C6: variants seen among roughly 807,000 people sequenced by gnomAD.
C6 encodes complement C6, also known as complement component C6.
Under a neutral mutation model 112.9 loss-of-function variants are expected in C6, and 101 were observed. The ratio of observed to expected loss-of-function variants is 0.89; its 90% confidence interval spans 0.76 to 1.06. The LOEUF (loss-of-function observed/expected upper bound fraction) is 1.06. Ranked by LOEUF, C6 falls within the 50% of genes least tolerant of loss-of-function variation. The probability of loss-of-function intolerance (pLI) is 0.00; values close to 1 mark genes in which losing one functional copy is unlikely to be tolerated. For synonymous variants in C6, 431 were observed against 384.1 expected (o/e 1.12, Z -1.43); for missense variants, 1,202 against 1,104.6 (o/e 1.09, Z -1.25).
chr5:41,213,560 A>G (rs1227943617), upstream of C6: 5 of 985,214 alleles, frequency 5.1e-6, no homozygotes, highest in African/African-American at 8.7e-5. Context: ...TGTCAAAATA[A>G]ATGTTCTCTG....
chr5:41,257,336 C>A (rs1181553401), intron 1 of C6, among the ~76,000 whole-genome samples: 1 of 152,052 alleles, frequency 6.6e-6, no homozygotes, highest in Admixed American at 6.6e-5. Context: ...ATTCATGTTG[C>A]TGCCAAGGAC....
intron 15 of C6, among the ~76,000 whole-genome samples, chr5:41,150,273 T>A (rs894807717): frequency 2.6e-5 from 4 of 152,210 alleles, no homozygotes; most frequent in African/African-American, 9.6e-5. Context: ...AAAATGGAAC[T>A]GTTGAAATTT....
At chr5:41,207,419 A>C (rs983476853) in intron 1 of C6, among the ~76,000 whole-genome samples, 1 of 152,258 alleles carries the variant, frequency 6.6e-6, no homozygotes, top group Non-Finnish European at 1.5e-5. Context: ...CCCAATTAAA[A>C]GACATAGACT....
At chr5:41,215,860 T>C (rs1202026927), upstream of C6, among the ~76,000 whole-genome samples, 1 of 152,110 alleles carries the variant, frequency 6.6e-6, no homozygotes, top group Non-Finnish European at 1.5e-5. Flanking sequence ...TAATGAACAA[T>C]GGAAGCTGCT....
At chr5:41,224,646 A>G (rs774417877) in intron 1 of C6, among the ~76,000 whole-genome samples, 5 of 151,754 alleles carry the variant, frequency 3.3e-5, no homozygotes, top group Non-Finnish European at 5.9e-5. Flanking sequence ...TTATCTATTT[A>G]TCAGTTGATG....
chr5:41,242,922 T>G (rs1214488263), intron 1 of C6, among the ~76,000 whole-genome samples: 1 of 150,510 alleles, frequency 6.6e-6, no homozygotes, highest in Non-Finnish European at 1.5e-5. Flanking sequence ...CTGTGTGGTT[T>G]AACTTACATG....
At chr5:41,173,844 A>C (rs1470716351) in intron 8 of C6, among the ~76,000 whole-genome samples, 1 of 152,158 alleles carries the variant, frequency 6.6e-6, no homozygotes, top group African/African-American at 2.4e-5. Flanking sequence ...TGAAGCCCTC[A>C]TGCTTAGTTT....
intron 1 of C6, among the ~76,000 whole-genome samples, chr5:41,242,217 G>T (rs931150629): frequency 1.3e-5 from 2 of 152,108 alleles, no homozygotes; most frequent in African/African-American, 4.8e-5. Flanking sequence ...TGGGACCAAG[G>T]GTAGAGGTAA....
intron 1 of C6, among the ~76,000 whole-genome samples, chr5:41,210,067 T>C (rs916717239): frequency 2.6e-5 from 4 of 152,072 alleles, no homozygotes; most frequent in Non-Finnish European, 4.4e-5. Context: ...ATACCACACG[T>C]CTACAGCCAT....
chr5:41,195,666 A>G, intron 5 of C6, 126 bp downstream of exon 5: 2 of 996,432 alleles, frequency 2.0e-6, no homozygotes, highest in Admixed American at 3.4e-5. Flanking sequence ...TAAGTATCAG[A>G]GATAGGGCTG....
chr5:41,231,465 G>A (rs1739893835), intron 1 of C6, among the ~76,000 whole-genome samples: 1 of 152,074 alleles, frequency 6.6e-6, no homozygotes, highest in Non-Finnish European at 1.5e-5. Flanking sequence ...TTTAACTGAT[G>A]ACAGCTTAAC....
chr5:41,182,639 C>T (rs1451310135), intron 6 of C6, among the ~76,000 whole-genome samples: 1 of 152,164 alleles, frequency 6.6e-6, no homozygotes, highest in Admixed American at 6.6e-5. Context: ...CTGAATTTCT[C>T]CTCCTCTATT....
intron 1 of C6, among the ~76,000 whole-genome samples, chr5:41,242,485 T>C (rs867112762): frequency 3.9e-5 from 6 of 152,156 alleles, no homozygotes; most frequent in Non-Finnish European, 8.8e-5. Context: ...CAGTTCTTTA[T>C]AGCAGTATGA....
At chr5:41,220,844 T>C (rs1739118802) in intron 1 of C6, among the ~76,000 whole-genome samples, 1 of 152,070 alleles carries the variant, frequency 6.6e-6, no homozygotes, top group South Asian at 2.1e-4. Flanking sequence ...TTTTCCAGCC[T>C]TTTCCCTACT....
At chr5:41,205,732 C>A (rs1000306527) in intron 1 of C6, among the ~76,000 whole-genome samples, 3 of 152,208 alleles carry the variant, frequency 2.0e-5, no homozygotes, top group African/African-American at 7.2e-5. Context: ...AATCTCGAAC[C>A]TGGTGGAGCC....
chr5:41,232,625 T>C (rs1478063086), intron 1 of C6, among the ~76,000 whole-genome samples: 1 of 152,076 alleles, frequency 6.6e-6, no homozygotes, highest in Non-Finnish European at 1.5e-5. Flanking sequence ...GTTATGTGTG[T>C]TTTCTTAGGC....
At chr5:41,218,107 T>C (rs191827593), upstream of C6, among the ~76,000 whole-genome samples, 52 of 152,268 alleles carry the variant, frequency 3.4e-4, no homozygotes, top group Admixed American at 1.9e-3. Context: ...GGACTTAAGA[T>C]ACAAAGATGA....
chr5:41,253,591 C>T (rs1741498293), intron 1 of C6, among the ~76,000 whole-genome samples: 1 of 152,180 alleles, frequency 6.6e-6, no homozygotes, highest in African/African-American at 2.4e-5. Context: ...TGTTTTCTCT[C>T]TCCCAGGAAT....
chr5:41,154,959 GC>G lies in C6; in HGVS notation c.2101+12del. ...GTAAAGTAGTCAAGCAAAATTGTTT[GC>G]CCAGTTCTCACGTTGGCATTCCACA... is the stretch of plus-strand genomic sequence containing the variant. On this transcript the variant is annotated intron_variant, in intron 14 of 17. Coordinates refer to ENST00000337836, the MANE Select transcript of C6 (RefSeq NM_000065.5). 1 of 1,613,258 alleles carries G rather than the reference GC, an allele frequency of 6.2e-7. No individual in the cohort carries two copies.
Sources: gnomAD v4.1 joint callset for allele counts (sites outside exome capture counted in the v4.1 genomes callset) on GRCh38, gnomAD v4.1.1 for gene constraint, MANE v1.5 for transcripts, NCBI Gene and HGNC (gene_info 2026-07-23, HGNC 2026-07-21) for gene names.